ZEB1: variants seen among roughly 807,000 people sequenced by gnomAD.
The protein encoded by ZEB1 is zinc finger E-box-binding homeobox 1.
A neutral mutation model predicts 84.9 loss-of-function variants in ZEB1; 21 were observed. The ratio of observed to expected loss-of-function variants is 0.25; its 90% CI spans 0.18 to 0.36. The LOEUF (loss-of-function observed/expected upper bound fraction) is 0.36, where lower values mean the gene tolerates loss of function less well. Among genes scored for constraint, ZEB1 ranks in the 10% least tolerant of loss-of-function variants. The pLI, the probability that ZEB1 is intolerant of heterozygous loss-of-function variation, is 1.00. For synonymous variants in ZEB1, 420 were observed against 471.1 expected (o/e 0.89, Z 1.41); for missense variants, 1,104 against 1,330.2 (o/e 0.83, Z 2.65).
chr10:31,382,590 C>T (rs916648350), intron 1 of ZEB1, among the ~76,000 whole-genome samples: 2 of 151,812 alleles, frequency 1.3e-5, no homozygotes, highest in Non-Finnish European at 2.9e-5. Flanking sequence ...AAAAATCATC[C>T]GTATATTACA....
chr10:31,477,620 T>C (rs1565044856), intron 2 of ZEB1, among the ~76,000 whole-genome samples: 1 of 151,986 alleles, frequency 6.6e-6, no homozygotes, highest in Non-Finnish European at 1.5e-5. Context: ...ACTACAAGGC[T>C]GAACAGCATG....
At position 31,527,463 on chromosome 10, in the gene ZEB1, C is replaced by T. The variant is rs1018448557; in HGVS notation, c.*199C>T. ...CACACACACACACACAAAATAAATC[C>T]GGGTGTGCCTGAACCTCAGACCTAG... On this transcript the variant is annotated 3_prime_UTR_variant, in exon 9 of 9. Transcript: ENST00000424869. 47 of 688,708 alleles carry T rather than the reference C, an allele frequency of 6.8e-5. No homozygotes were observed. The highest frequency in any genetic ancestry group is 9.6e-5 in the Non-Finnish European group (42 of 436,082). 42.7% of individuals were successfully genotyped at this position (688,708 alleles called of 1,614,324 possible).
chr10:31,369,217 T>C (rs1476376276), intron 1 of ZEB1, among the ~76,000 whole-genome samples: 1 of 152,204 alleles, frequency 6.6e-6, no homozygotes, highest in Non-Finnish European at 1.5e-5. Flanking sequence ...ATATTTCATA[T>C]TGAGACATTT....
intron 8 of ZEB1, among the ~76,000 whole-genome samples, chr10:31,526,326 C>T (rs1266837243): frequency 6.6e-6 from 1 of 152,110 alleles, no homozygotes; most frequent in South Asian, 2.1e-4. Flanking sequence ...CAAGTCTGTC[C>T]CTGTCTGCCC....
intron 1 of ZEB1, chr10:31,321,398 CATT>C: frequency 6.3e-7 from 1 of 1,599,060 alleles, no homozygotes; most frequent in Non-Finnish European, 8.5e-7. Flanking sequence ...TTGGTATTCT[CATT>C]GTGGAGAGAT....
intron 3 of ZEB1, 97 bp from the exon 4 acceptor site, chr10:31,502,251 T>A: frequency 8.2e-7 from 1 of 1,220,656 alleles, no homozygotes; most frequent in Non-Finnish European, 1.2e-6. Context: ...TCAAGAACAA[T>A]CATATGTTCT....
chr10:31,362,928 G>C (rs1474169478), intron 1 of ZEB1: 14 of 1,525,392 alleles, frequency 9.2e-6, no homozygotes, highest in Non-Finnish European at 1.2e-5. Context: ...CATGCTGGAG[G>C]CGTCCTTCTC....
At chr10:31,365,455 A>G (rs2044273038) in intron 1 of ZEB1, among the ~76,000 whole-genome samples, 1 of 152,248 alleles carries the variant, frequency 6.6e-6, no homozygotes, top group Non-Finnish European at 1.5e-5. Flanking sequence ...TTAAAAGGCA[A>G]GAAGTTAAAA....
chr10:31,442,367 T>C (rs538666493), intron 1 of ZEB1, among the ~76,000 whole-genome samples: 24 of 151,902 alleles, frequency 1.6e-4, no homozygotes, highest in African/African-American at 5.6e-4. Flanking sequence ...ATGAGAACAC[T>C]TGGACACAGG....
At chr10:31,443,877 G>T (rs953901529) in intron 1 of ZEB1, among the ~76,000 whole-genome samples, 1 of 151,256 alleles carries the variant, frequency 6.6e-6, no homozygotes, top group East Asian at 1.9e-4. Context: ...AAACATACGT[G>T]TGCATGTGTC....
chr10:31,501,132 GC>G (rs2068062549), intron 3 of ZEB1, among the ~76,000 whole-genome samples: 1 of 152,192 alleles, frequency 6.6e-6, no homozygotes, highest in South Asian at 2.1e-4. Flanking sequence ...CCAAACTTCA[GC>G]CTGCTGGGGA....
intron 1 of ZEB1, among the ~76,000 whole-genome samples, chr10:31,411,684 C>G (rs987386517): frequency 3.5e-5 from 5 of 143,288 alleles, no homozygotes; most frequent in African/African-American, 1.0e-4. Flanking sequence ...ATTTATAGCA[C>G]TAAATGCTAT....
At chr10:31,492,231 G>A (rs1445913224) in intron 2 of ZEB1, among the ~76,000 whole-genome samples, 1 of 151,820 alleles carries the variant, frequency 6.6e-6, no homozygotes, top group Non-Finnish European at 1.5e-5. Flanking sequence ...ACAGTGGTGT[G>A]AAAGAAATAT....
At position 31,323,856 on chromosome 10, in the gene ZEB1, A is replaced by G. The variant is rs953921685; in HGVS notation, c.58+4564A>G. Among the ~76,000 whole-genome samples the G allele has an allele frequency of 5.3e-5, 8 of 152,014 alleles. 1 individual carries two copies. Among genetic ancestry groups the G allele is most frequent in the Non-Finnish European group, 1.0e-4 (7 of 67,920 alleles). On this transcript the variant is annotated intron_variant, in intron 1 of 8. Transcript: ENST00000424869. ...TAGTGGTGTTTTTATAAATGCATCA[A>G]TATCAGTACCGTAATGGAATAGCCA... is the stretch of plus-strand genomic sequence containing the variant.
Position 31,470,775 on chromosome 10 carries a change from G to C in ZEB1, c.259+9538G>C, listed in dbSNP as rs1378023311. 5.3e-4 allele frequency among the ~76,000 whole-genome samples: 73 copies of C among 137,216 alleles called. 1 individual carries two copies. Among genetic ancestry groups the C allele is most frequent in the African/African-American group, 2.0e-3 (71 of 35,324 alleles). 90.0% of individuals were successfully genotyped at this position (137,216 alleles called of 152,430 possible). A position where few individuals can be genotyped will look rare whatever the true frequency, so the allele number is the denominator to read the frequency against. ...ACACATAATTGTCAGATTCACCAAA[G>C]TTGAAATGAAGGAAAAAATGTTAAG... On this transcript the variant is annotated intron_variant, in intron 2 of 8. Transcript: ENST00000424869.
intron 1 of ZEB1, among the ~76,000 whole-genome samples, chr10:31,382,868 G>A (rs1432162703): frequency 1.3e-5 from 2 of 151,774 alleles, no homozygotes; most frequent in Non-Finnish European, 2.9e-5. Flanking sequence ...GAATATGACA[G>A]ATTAAGAATA....
intron 1 of ZEB1, among the ~76,000 whole-genome samples, chr10:31,338,547 A>G (rs1001667540): frequency 1.6e-4 from 24 of 152,172 alleles, no homozygotes; most frequent in African/African-American, 5.5e-4. Flanking sequence ...TCTTTAATAA[A>G]CAGGGTACTA....
At chr10:31,329,274 G>A (rs1461975869) in intron 1 of ZEB1, among the ~76,000 whole-genome samples, 4 of 152,016 alleles carry the variant, frequency 2.6e-5, no homozygotes, top group East Asian at 1.9e-4. Flanking sequence ...CATATAAACC[G>A]AATCATGCAG....
intron 2 of ZEB1, among the ~76,000 whole-genome samples, chr10:31,482,315 T>A (rs1468004301): frequency 6.6e-6 from 1 of 152,028 alleles, no homozygotes; most frequent in Non-Finnish European, 1.5e-5. Context: ...CAGTGCCCAG[T>A]ACGCTTCAAA....
Sources: gnomAD v4.1 joint callset for allele counts (sites outside exome capture counted in the v4.1 genomes callset) on GRCh38, gnomAD v4.1.1 for gene constraint, MANE v1.5 for transcripts, NCBI Gene and HGNC (gene_info 2026-07-23, HGNC 2026-07-21) for gene names.